ZBTB16: variants seen among roughly 807,000 people sequenced by gnomAD.
The protein encoded by ZBTB16 is zinc finger and BTB domain containing 16, also known as zinc finger and BTB domain-containing protein 16.
In ZBTB16, 8 loss-of-function variants were observed where a neutral mutation model predicts 56.8. That is an observed-to-expected ratio of 0.14 (90% CI 0.08 to 0.25). ZBTB16 has a LOEUF of 0.25. Among genes scored for constraint, ZBTB16 ranks in the 10% least tolerant of loss-of-function variants. ZBTB16 has a pLI of 1.00. For missense variants in ZBTB16, 625 were observed against 903.0 expected, an observed-to-expected ratio of 0.69 and a Z score of 3.95; for synonymous variants, 363 against 368.5, an observed-to-expected ratio of 0.98 and a Z score of 0.17.
intron 4 of ZBTB16, 91 bp downstream of exon 4, chr11:114,187,129 A>C: frequency 1.6e-6 from 2 of 1,232,726 alleles, no homozygotes; most frequent in Non-Finnish European, 2.4e-6. Context: ...TCTTTTTAGC[A>C]AATGTGACAT....
intron 4 of ZBTB16, among the ~76,000 whole-genome samples, chr11:114,235,693 T>TCTTTCTTTCTTTCTTTCTTTCTTTCTA (rs10669266): frequency 1.7e-5 from 2 of 114,304 alleles, no homozygotes; most frequent in Admixed American, 1.9e-4. Flanking sequence ...TTTCTTTCTT[T>TCTTTCTTTCTTTCTTTCTTTCTTTCTA]TCTTTCTTTC....
chr11:114,190,162 G>A (rs1421048868), intron 4 of ZBTB16, among the ~76,000 whole-genome samples: 1 of 152,172 alleles, frequency 6.6e-6, no homozygotes, highest in Non-Finnish European at 1.5e-5. Flanking sequence ...GGGAAGTTGC[G>A]AGGAAATTGA....
intron 4 of ZBTB16, among the ~76,000 whole-genome samples, chr11:114,238,101 G>T (rs529887425): frequency 6.6e-6 from 1 of 152,058 alleles, no homozygotes; most frequent in African/African-American, 2.4e-5. Context: ...GATTTTTTGC[G>T]TGCCACTCCT....
chr11:114,096,785 C>T (rs1346191462), intron 2 of ZBTB16, among the ~76,000 whole-genome samples: 2 of 152,202 alleles, frequency 1.3e-5, no homozygotes, highest in African/African-American at 4.8e-5. Context: ...GCTTCAGCGA[C>T]ATTGTTGACT....
intron 2 of ZBTB16, among the ~76,000 whole-genome samples, chr11:114,113,765 C>A (rs1283628496): frequency 6.6e-6 from 1 of 152,142 alleles, no homozygotes; most frequent in Non-Finnish European, 1.5e-5. Context: ...CTAAATGAAG[C>A]TAGTGGAGGC....
rs1394656594 is a variant in ZBTB16, at chr11:114,255,205, G to A, written c.*4650G>A. On this transcript the variant is annotated 3_prime_UTR_variant, in exon 7 of 7. Transcript: ENST00000335953. ...CCTTTTGGTTTGGGTATTATGTTTC[G>A]TTTTGTTATTTGTTTGTTTTTGTGG... Among the ~76,000 whole-genome samples, 3 of 152,132 alleles carry A rather than the reference G, an allele frequency of 2.0e-5. No homozygotes were observed. Among genetic ancestry groups the A allele is most frequent in the African/African-American group, 2.4e-5 (1 of 41,418 alleles).
rs1389845990 is a variant in ZBTB16 at position 114,188,742 on chromosome 11, A to T, written c.1453+1704A>T. 2.6e-5 allele frequency: 4 copies of T among 152,372 alleles called. No homozygotes were observed. The South Asian group carries it at 8.3e-4, about 32-fold the overall frequency. The allele number at this position is 152,372 out of a possible 1,614,324, so 9.4% of individuals were successfully genotyped here. On this transcript the variant is annotated intron_variant, in intron 4 of 6. Coordinates refer to ENST00000335953, the MANE Select transcript of ZBTB16 (RefSeq NM_006006.6). ...TGGGAGACAGAATCAGCAAATAAAT[A>T]TACGATATCATGTCTGCTTATACAT...
At chr11:114,180,771 C>G (rs961436319) in intron 3 of ZBTB16, 10 of 152,242 alleles carry the variant, frequency 6.6e-5, no homozygotes, top group African/African-American at 2.4e-4. Context: ...TTAGTGGGCA[C>G]AGACTGTATG....
At chr11:114,197,994 CAAATAACT>C (rs1256551760) in intron 4 of ZBTB16, among the ~76,000 whole-genome samples, 1 of 149,050 alleles carries the variant, frequency 6.7e-6, no homozygotes, top group African/African-American at 2.5e-5. Context: ...CAGATGATGA[CAAATAACT>C]TAATCTACCT....
At chr11:114,154,740 G>C (rs572540349) in intron 2 of ZBTB16, among the ~76,000 whole-genome samples, 1 of 152,338 alleles carries the variant, frequency 6.6e-6, no homozygotes, top group Non-Finnish European at 1.5e-5. Context: ...GGGTGTGTGT[G>C]TGTGTGTATG....
rs142707652 is a variant in ZBTB16, at chr11:114,124,734, G to A, written c.1269-31603G>A. 7.2e-3 allele frequency among the ~76,000 whole-genome samples: 1,090 copies of A among 152,292 alleles called. 30 individuals carry two copies. Among genetic ancestry groups the A allele is most frequent in the Non-Finnish European group, 5.5e-3 (375 of 68,046 alleles). ...GGAGACAGTTAAGCCAAGTCAGGCTGATGAAAATCTCTCCGTTCTAATGAC... is the reference window on the plus strand; with the variant it reads ...GGAGACAGTTAAGCCAAGTCAGGCTAATGAAAATCTCTCCGTTCTAATGAC... On this transcript the variant is annotated intron_variant, in intron 2 of 6. Transcript: ENST00000335953.
At chr11:114,080,777 G>T (rs1939730298) in intron 2 of ZBTB16, among the ~76,000 whole-genome samples, 3 of 152,140 alleles carry the variant, frequency 2.0e-5, no homozygotes, top group African/African-American at 7.2e-5. Context: ...CTAACGAGAG[G>T]GACTGGCTTA....
At chr11:114,181,922 G>A (rs548545160) in intron 3 of ZBTB16, among the ~76,000 whole-genome samples, 5 of 152,268 alleles carry the variant, frequency 3.3e-5, no homozygotes, top group African/African-American at 9.6e-5. Flanking sequence ...CTTGCCTGGC[G>A]AGGGTGTTCT....
At chr11:114,148,863 GGT>G (rs35071911) in intron 2 of ZBTB16, among the ~76,000 whole-genome samples, 67,717 of 143,726 alleles carry the variant, frequency 0.47, 17,027 homozygotes, top group Middle Eastern at 0.64. Flanking sequence ...GTTTTTTACT[GGT>G]GTGTGTGTGT....
At chr11:114,071,831 C>T (rs900103835) in intron 2 of ZBTB16, among the ~76,000 whole-genome samples, 1 of 152,186 alleles carries the variant, frequency 6.6e-6, no homozygotes, top group Non-Finnish European at 1.5e-5. Flanking sequence ...CTCTTCCCCA[C>T]CCCCACGTTT....
At chr11:114,116,494 C>T (rs949910350) in intron 2 of ZBTB16, among the ~76,000 whole-genome samples, 5 of 152,320 alleles carry the variant, frequency 3.3e-5, no homozygotes, top group Admixed American at 6.5e-5. Flanking sequence ...CTCTCAGGGC[C>T]TCCTAAGTAG....
chr11:114,103,988 C>G (rs982026196), intron 2 of ZBTB16, among the ~76,000 whole-genome samples: 2 of 152,174 alleles, frequency 1.3e-5, no homozygotes, highest in Non-Finnish European at 2.9e-5. Flanking sequence ...TTTCTTCTCT[C>G]TTCTCATCCT....
chr11:114,123,253 T>C (rs907081101), intron 2 of ZBTB16, among the ~76,000 whole-genome samples: 1 of 152,014 alleles, frequency 6.6e-6, no homozygotes, highest in East Asian at 1.9e-4. Context: ...ATAGTAGTCA[T>C]GTAGGATAAC....
intron 4 of ZBTB16, among the ~76,000 whole-genome samples, chr11:114,199,829 A>G (rs1043209177): frequency 6.6e-6 from 1 of 152,214 alleles, no homozygotes. Context: ...TAAGAACTAC[A>G]TAAAACCATA....
Sources: gnomAD v4.1 joint callset for allele counts (sites outside exome capture counted in the v4.1 genomes callset) on GRCh38, gnomAD v4.1.1 for gene constraint, MANE v1.5 for transcripts, NCBI Gene and HGNC (gene_info 2026-07-23, HGNC 2026-07-21) for gene names.